The following RBM20 variants were observed in gnomAD, a reference collection of about 807,000 sequenced individuals.
The protein encoded by RBM20 is RNA binding motif protein 20.
Under a neutral mutation model 110.1 loss-of-function variants are expected in RBM20, and 51 were observed. That is an observed-to-expected ratio of 0.46 (90% CI 0.37 to 0.59). RBM20 has a LOEUF of 0.59. RBM20 is among the 20% of genes least tolerant of loss of function. The probability of loss-of-function intolerance (pLI) is 0.00; values close to 1 mark genes in which losing one functional copy is unlikely to be tolerated. For synonymous variants in RBM20, 589 were observed against 618.2 expected (o/e 0.95, Z 0.70); for missense variants, 1,512 against 1,574.9 (o/e 0.96, Z 0.68).
chr10:110,780,855 G>A lies in RBM20; in HGVS notation c.246G>A (p.Leu82=). 6.5e-7 allele frequency: 1 copy of A among 1,548,732 alleles called. No individual in the cohort carries two copies. The highest frequency in any genetic ancestry group is 8.7e-7 in the Non-Finnish European group (1 of 1,144,860). The change falls in exon 2 of 14, where the codon CTG becomes CTA. Residue 82 remains leucine, a synonymous_variant. Coordinates refer to ENST00000369519, the MANE Select transcript of RBM20 (RefSeq NM_001134363.3). ...TCTCGGTCAGTAACCCGAACCCTCTGCTTCCTTCACCTGCCAGTCTCCAGC... is the reference window on the plus strand; with the variant it reads ...TCTCGGTCAGTAACCCGAACCCTCTACTTCCTTCACCTGCCAGTCTCCAGC... The part of the protein sequence containing the change: ...NPFSVSNPNP[L]LPSPASLQLA...
chr10:110,643,997 C>T (rs755287462), upstream of RBM20, among the ~76,000 whole-genome samples: 1 of 152,276 alleles, frequency 6.6e-6, no homozygotes, highest in Non-Finnish European at 1.5e-5. Flanking sequence ...TCAGGGCTCC[C>T]GGGTGGAGCG....
At chr10:110,777,448 T>C (rs1008480192) in intron 1 of RBM20, among the ~76,000 whole-genome samples, 2 of 152,230 alleles carry the variant, frequency 1.3e-5, no homozygotes, top group Non-Finnish European at 2.9e-5. Context: ...TTCTTCTTTG[T>C]CTAGGGTGTT....
At chr10:110,675,725 A>C (rs891799146) in intron 1 of RBM20, among the ~76,000 whole-genome samples, 1 of 152,148 alleles carries the variant, frequency 6.6e-6, no homozygotes, top group African/African-American at 2.4e-5. Flanking sequence ...AGTCAGACAG[A>C]CCTGGGCTCA....
intron 8 of RBM20, among the ~76,000 whole-genome samples, chr10:110,810,846 C>T (rs112506852): frequency 3.8e-4 from 56 of 149,152 alleles, no homozygotes; most frequent in Middle Eastern, 3.4e-3. Context: ...CATGTGTGTG[C>T]GTGTGTGTGT....
At chr10:110,724,629 G>A (rs562169916) in intron 1 of RBM20, among the ~76,000 whole-genome samples, 45 of 152,284 alleles carry the variant, frequency 3.0e-4, no homozygotes, top group Non-Finnish European at 4.3e-4. Flanking sequence ...AGCCATGGGC[G>A]TGCTGGGCCA....
chr10:110,707,515 T>C lies in RBM20; in HGVS notation c.191+62870T>C, dbSNP rs1213606263. On this transcript the variant is annotated intron_variant, in intron 1 of 13. Transcript: ENST00000369519. Reference sequence around the variant, plus strand: ...AGTTAAACATTTTTAAAACACAGAATGAATGGTTTTAAAAGGCAAAGAGCA... The same window carrying C: ...AGTTAAACATTTTTAAAACACAGAACGAATGGTTTTAAAAGGCAAAGAGCA... Among the ~76,000 whole-genome samples, 8 of 152,218 alleles carry C rather than the reference T, an allele frequency of 5.3e-5. No homozygotes were observed. In the East Asian group the frequency reaches 1.5e-3, roughly 29 times the overall value.
intron 12 of RBM20, among the ~76,000 whole-genome samples, chr10:110,829,337 G>A (rs1251349430): frequency 6.6e-6 from 1 of 152,224 alleles, no homozygotes; most frequent in Non-Finnish European, 1.5e-5. Context: ...CCAAGCTGGG[G>A]CCACTTTTCC....
In RBM20 at chr10:110,644,748, C is replaced by G. The variant is rs1861844422; in HGVS notation, c.191+103C>G. ...CCCGTCCCTGCTGAACTTCGCTCGC[C>G]CCCCTTGGGTTTGAAGTTTTCTCGT... On this transcript the variant is annotated intron_variant, in intron 1 of 13. Transcript: ENST00000369519. The surrounding 1 kb of genome is among the most constrained non-coding windows in gnomAD (Gnocchi z 4.3). 1.1e-6 allele frequency: 1 copy of G among 909,400 alleles called. No individual in the cohort carries two copies. The highest frequency in any genetic ancestry group is 1.8e-5 in the African/African-American group (1 of 56,672). 56.3% of individuals were successfully genotyped at this position (909,400 alleles called of 1,614,324 possible).
chr10:110,725,091 ATCT>A (rs1843547156), intron 1 of RBM20, among the ~76,000 whole-genome samples: 1 of 152,188 alleles, frequency 6.6e-6, no homozygotes, highest in African/African-American at 2.4e-5. Context: ...GCTCTTTCCC[ATCT>A]ACACAGCAGG....
At chr10:110,804,200 C>A (rs1286934749) in intron 7 of RBM20, among the ~76,000 whole-genome samples, 7 of 152,158 alleles carry the variant, frequency 4.6e-5, no homozygotes, top group African/African-American at 1.7e-4. Flanking sequence ...GATCTCTGGC[C>A]AGGGCTAGGC....
At chr10:110,734,576 T>TG (rs1243512998) in intron 1 of RBM20, among the ~76,000 whole-genome samples, 2 of 151,872 alleles carry the variant, frequency 1.3e-5, no homozygotes, top group African/African-American at 4.8e-5. Context: ...GCCAAGATGC[T>TG]GTCTTTTTTT....
At chr10:110,659,402 TCAAA>T (rs1181662091) in intron 1 of RBM20, among the ~76,000 whole-genome samples, 3 of 152,194 alleles carry the variant, frequency 2.0e-5, no homozygotes, top group Admixed American at 6.5e-5. Flanking sequence ...TGGGGCTTGT[TCAAA>T]CAGTCAATGA....
chr10:110,833,990 G>C (rs886938117), intron 13 of RBM20, among the ~76,000 whole-genome samples: 3 of 152,200 alleles, frequency 2.0e-5, no homozygotes, highest in African/African-American at 7.2e-5. Context: ...GAGGCCTTGA[G>C]TTGGGGACCA....
Position 110,788,239 on chromosome 10 carries a change from G to A in RBM20, c.1527+3350G>A, listed in dbSNP as rs552887983. 3.3e-5 allele frequency among the ~76,000 whole-genome samples: 5 copies of A among 152,230 alleles called. No homozygotes were observed. In the South Asian group the frequency reaches 8.3e-4, roughly 25 times the overall value. On this transcript the variant is annotated intron_variant, in intron 5 of 13. Coordinates refer to ENST00000369519, the MANE Select transcript of RBM20 (RefSeq NM_001134363.3). Reference sequence around the variant, plus strand: ...TCCCCCTCTCCCTACCCCACAAGCCGCTTGGGAGGTTCTGAGGCTGCGTTG... The same window carrying A: ...TCCCCCTCTCCCTACCCCACAAGCCACTTGGGAGGTTCTGAGGCTGCGTTG...
Position 110,797,667 on chromosome 10 carries a change from A to C in RBM20, c.1668+19A>C. The C allele has an allele frequency of 1.9e-6, 3 of 1,550,762 alleles. No homozygotes were observed. Among genetic ancestry groups the C allele is most frequent in the Middle Eastern group, 1.7e-4 (1 of 5,976 alleles). ...TAATCAGGTAGGTCTGGGTACTTTC[A>C]CTCCAGTGTATATGCCACAGACCAC... On this transcript the variant is annotated intron_variant, in intron 6 of 13. Coordinates refer to ENST00000369519, the MANE Select transcript of RBM20 (RefSeq NM_001134363.3).
rs371569801 is a variant in RBM20, at chr10:110,778,997, T to A, written c.192-1804T>A. Among the ~76,000 whole-genome samples, 613 of 152,366 alleles carry A rather than the reference T, an allele frequency of 4.0e-3. 5 individuals carry two copies. The highest frequency in any genetic ancestry group is 0.014 in the African/African-American group (583 of 41,586). ...TTTTTACTTGTAATTTTTTGGTTAT[T>A]CCTTATACTAGTTAGGTTTGAGAGC... is the stretch of plus-strand genomic sequence containing the variant. On this transcript the variant is annotated intron_variant, in intron 1 of 13. Coordinates refer to ENST00000369519, the MANE Select transcript of RBM20 (RefSeq NM_001134363.3).
chr10:110,716,219 G>A (rs1221793370), intron 1 of RBM20, among the ~76,000 whole-genome samples: 1 of 152,164 alleles, frequency 6.6e-6, no homozygotes, highest in Admixed American at 6.5e-5. Context: ...TGCGTAATTA[G>A]GGGCAGAAGC....
intron 1 of RBM20, among the ~76,000 whole-genome samples, chr10:110,655,904 C>CTTT (rs34255362): frequency 2.0e-5 from 3 of 149,452 alleles, no homozygotes; most frequent in Non-Finnish European, 4.5e-5. Flanking sequence ...TTTTTTTGGT[C>CTTT]TTTTTTTTTT....
chr10:110,797,470 G>A (rs772153238), intron 5 of RBM20, 38 bp from the exon 6 acceptor site: 15 of 1,492,794 alleles, frequency 1.0e-5, no homozygotes, highest in African/African-American at 5.6e-5. Flanking sequence ...AAAGGGAACC[G>A]TCTTCTGAAT....
Sources: allele counts gnomAD v4.1 joint callset (sites outside exome capture counted in the v4.1 genomes callset), GRCh38; gene constraint gnomAD v4.1.1; non-coding constraint Gnocchi (gnomAD v3.1); transcripts MANE v1.5; gene names NCBI Gene and HGNC (gene_info 2026-07-23, HGNC 2026-07-21).